BLTP3B: variants seen among roughly 807,000 people sequenced by gnomAD.
The protein encoded by BLTP3B is bridge-like lipid transfer protein family member 3B.
At chr12:100,138,335 G>A in the BLTP3B span, among the ~76,000 whole-genome samples, 1 of 152,168 alleles carries the variant, frequency 6.6e-6, no homozygotes, top group South Asian at 2.1e-4. Flanking sequence ...GCTTTCTGAT[G>A]TTTGCAGGCA....
At chr12:100,133,162 A>G in the BLTP3B span, among the ~76,000 whole-genome samples, 1 of 152,098 alleles carries the variant, frequency 6.6e-6, no homozygotes, top group Non-Finnish European at 1.5e-5. Flanking sequence ...GAATGGCATG[A>G]ACCCGGGAGG....
the BLTP3B span, among the ~76,000 whole-genome samples, chr12:100,048,965 G>A: frequency 6.6e-6 from 1 of 151,962 alleles, no homozygotes; most frequent in Non-Finnish European, 1.5e-5. Flanking sequence ...AACCCCTGAA[G>A]TAAATTACTT....
At chr12:100,102,173 G>A in the BLTP3B span, among the ~76,000 whole-genome samples, 1 of 148,610 alleles carries the variant, frequency 6.7e-6, no homozygotes, top group Non-Finnish European at 1.5e-5. Flanking sequence ...GCAATGGCGC[G>A]ATCTTGGCTC....
chr12:100,096,250 TCTCAAAAAAAAAAA>T, the BLTP3B span, among the ~76,000 whole-genome samples: 1 of 148,786 alleles, frequency 6.7e-6, no homozygotes, highest in Admixed American at 6.7e-5. Context: ...AGAAACTCTG[TCTCAAAAAAAAAAA>T]AAGTAGTAGT....
chr12:100,095,895 C>T, the BLTP3B span: 8 of 1,370,288 alleles, frequency 5.8e-6, no homozygotes, highest in East Asian at 5.3e-5. Flanking sequence ...TTATAATACG[C>T]TTGTATTAAA....
chr12:100,095,648 T>C, the BLTP3B span: 3 of 1,581,406 alleles, frequency 1.9e-6, no homozygotes, highest in Non-Finnish European at 2.6e-6. Flanking sequence ...GTATTTTTCC[T>C]GTTAACTTTA....
the BLTP3B span, chr12:100,060,029 G>A: frequency 6.3e-7 from 1 of 1,594,998 alleles, no homozygotes; most frequent in Non-Finnish European, 8.5e-7. Flanking sequence ...TGGCTATAGA[G>A]GTTGGGAGAT....
the BLTP3B span, among the ~76,000 whole-genome samples, chr12:100,049,308 GTTATTTA>G: frequency 6.6e-6 from 1 of 152,268 alleles, no homozygotes; most frequent in East Asian, 1.9e-4. Context: ...AGGTATGAAA[GTTATTTA>G]TCCCACAGGT....
the BLTP3B span, among the ~76,000 whole-genome samples, chr12:100,089,668 A>G: frequency 6.6e-6 from 1 of 152,254 alleles, no homozygotes; most frequent in Non-Finnish European, 1.5e-5. Context: ...TATATTTAAC[A>G]TATTTATAGC....
the BLTP3B span, chr12:100,142,651 G>C: frequency 6.2e-7 from 1 of 1,606,482 alleles, no homozygotes; most frequent in African/African-American, 1.4e-5. Flanking sequence ...CGAGGCTGGA[G>C]ACGCCGCGGT....
the BLTP3B span, among the ~76,000 whole-genome samples, chr12:100,081,195 T>C: frequency 6.6e-6 from 1 of 152,156 alleles, no homozygotes; most frequent in Non-Finnish European, 1.5e-5. Flanking sequence ...TATGTCTTTA[T>C]CAGAAGCATG....
chr12:100,132,336 G>A, the BLTP3B span, among the ~76,000 whole-genome samples: 9 of 152,206 alleles, frequency 5.9e-5, no homozygotes, highest in East Asian at 9.6e-4. Context: ...ATCTGATCCC[G>A]AATGTGACAG....
At chr12:100,050,513 T>A in the BLTP3B span, among the ~76,000 whole-genome samples, 5 of 152,106 alleles carry the variant, frequency 3.3e-5, no homozygotes, top group Admixed American at 3.3e-4. Context: ...AAAAATTAGG[T>A]CACAAGGATT....
At chr12:100,141,565 T>TGTC in the BLTP3B span, among the ~76,000 whole-genome samples, 3 of 152,140 alleles carry the variant, frequency 2.0e-5, no homozygotes, top group Admixed American at 6.5e-5. Context: ...CTGTTCCCAA[T>TGTC]ATATAACCTG....
At chr12:100,110,183 G>A in the BLTP3B span, among the ~76,000 whole-genome samples, 1 of 152,058 alleles carries the variant, frequency 6.6e-6, no homozygotes, top group African/African-American at 2.4e-5. Flanking sequence ...ATTATATACT[G>A]GGTTATTCAC....
chr12:100,084,797 T>C, the BLTP3B span: 30 of 828,730 alleles, frequency 3.6e-5, no homozygotes, highest in Non-Finnish European at 5.1e-5. Context: ...TTCACCTACA[T>C]GTAATTTCGA....
chr12:100,048,243 T>C, the BLTP3B span: 1 of 1,528,074 alleles, frequency 6.5e-7, no homozygotes, highest in Admixed American at 2.3e-5. Flanking sequence ...TATTCAATAA[T>C]ATTACAATTA....
chr12:100,080,049 G>A, the BLTP3B span, among the ~76,000 whole-genome samples: 7 of 152,234 alleles, frequency 4.6e-5, no homozygotes, highest in African/African-American at 9.6e-5. Context: ...GGATGCCCAG[G>A]CAGAATTTTG....
chr12:100,110,063 T>C, the BLTP3B span, among the ~76,000 whole-genome samples: 1 of 152,168 alleles, frequency 6.6e-6, no homozygotes, highest in African/African-American at 2.4e-5. Flanking sequence ...TAAAAATTAC[T>C]AACTATGCCC....
Sources: gnomAD v4.1 joint callset for allele counts (sites outside exome capture counted in the v4.1 genomes callset) on GRCh38, gnomAD v4.1.1 for gene constraint, MANE v1.5 for transcripts, NCBI Gene and HGNC (gene_info 2026-07-23, HGNC 2026-07-21) for gene names.